Variants in CDH17 observed in about 807,000 individuals in gnomAD.
CDH17 encodes the protein cadherin 17.
Under a neutral mutation model 86.3 loss-of-function variants are expected in CDH17, and 67 were observed. The observed-to-expected ratio is 0.78, with a 90% CI of 0.64 to 0.95. The LOEUF (loss-of-function observed/expected upper bound fraction) is 0.95. Ranked by LOEUF, CDH17 falls within the 40% of genes least tolerant of loss-of-function variation. The pLI is 0.00. For missense variants in CDH17, 993 were observed against 1,017.6 expected (o/e 0.98, Z 0.33); for synonymous variants, 367 against 366.4 (o/e 1.00, Z -0.02).
At chr8:94,176,102 GTCTCAAACTCCCAGGCTGT>G (rs1813366001) in intron 5 of CDH17, among the ~76,000 whole-genome samples, 1 of 151,970 alleles carries the variant, frequency 6.6e-6, no homozygotes, top group Non-Finnish European at 1.5e-5. Flanking sequence ...GCCCAGGCTG[GTCTCAAACTCCCAGGCTGT>G]TCTCAAACTC....
chr8:94,152,200 T>C, intron 12 of CDH17, 88 bp from the exon 13 acceptor site: 2 of 1,403,708 alleles, frequency 1.4e-6, no homozygotes, highest in South Asian at 2.6e-5. Flanking sequence ...CTCTCATATA[T>C]TCGATATATA....
At chr8:94,176,899 G>A (rs957350528) in intron 4 of CDH17, among the ~76,000 whole-genome samples, 1 of 152,178 alleles carries the variant, frequency 6.6e-6, no homozygotes, top group Non-Finnish European at 1.5e-5. Context: ...GGGTGTTCTG[G>A]ACACTGAACA....
At chr8:94,169,969 G>T (rs188191947) in intron 9 of CDH17, among the ~76,000 whole-genome samples, 1 of 152,210 alleles carries the variant, frequency 6.6e-6, no homozygotes, top group Non-Finnish European at 1.5e-5. Flanking sequence ...TTATTGCAGG[G>T]TGTCTGTCTG....
chr8:94,144,224 G>A (rs1012115037), intron 15 of CDH17, among the ~76,000 whole-genome samples: 14 of 152,156 alleles, frequency 9.2e-5, no homozygotes, highest in East Asian at 1.9e-4. Context: ...TCTGTGGAGC[G>A]TCAGAACGTA....
At chr8:94,208,205 T>C (rs1563593625) in intron 1 of CDH17, among the ~76,000 whole-genome samples, 2 of 152,170 alleles carry the variant, frequency 1.3e-5, no homozygotes, top group Admixed American at 1.3e-4. Context: ...GAGAACTCAA[T>C]TTCCCCTTTA....
At chr8:94,162,538 A>G (rs1048728192) in intron 10 of CDH17, among the ~76,000 whole-genome samples, 2 of 152,226 alleles carry the variant, frequency 1.3e-5, no homozygotes, top group African/African-American at 2.4e-5. Flanking sequence ...CTGTCCTTCC[A>G]GAAAGCCTTC....
intron 10 of CDH17, among the ~76,000 whole-genome samples, chr8:94,164,099 A>G (rs1362096553): frequency 2.0e-5 from 3 of 152,202 alleles, no homozygotes; most frequent in Non-Finnish European, 4.4e-5. Flanking sequence ...TTGTAATCTG[A>G]TTCCCACTTT....
At position 94,162,153 on chromosome 8, in the gene CDH17, G is replaced by A. The variant is rs757333330; in HGVS notation, c.1292C>T (p.Thr431Ile). The change falls in exon 11 of 18, where the codon ACC (threonine) becomes ATC (isoleucine). Residue 431 changes from threonine to isoleucine, a missense_variant. Physicochemically the swap from Thr to Ile is moderately conservative, Grantham distance 89. Coordinates refer to ENST00000027335, the MANE Select transcript of CDH17 (RefSeq NM_004063.4). ...AACGTTGATTTGCACAAAACAAAGGGTCTTGAAATCTGAAAACCAAAGTCA... is the reference window on the plus strand; with the variant it reads ...AACGTTGATTTGCACAAAACAAAGGATCTTGAAATCTGAAAACCAAAGTCA... ...TIEVSDKDFK[T>I]LCFVQINVID... The A allele has an allele frequency of 6.2e-7, 1 of 1,605,302 alleles. No individual in the cohort carries two copies. Among genetic ancestry groups the A allele is most frequent in the Non-Finnish European group, 8.5e-7 (1 of 1,172,444 alleles).
chr8:94,209,683 A>T (rs1351176491), upstream of CDH17, among the ~76,000 whole-genome samples: 1 of 152,196 alleles, frequency 6.6e-6, no homozygotes, highest in Non-Finnish European at 1.5e-5. Context: ...CACAGCCAGC[A>T]TCACTCATTT....
chr8:94,210,226 T>TTAA (rs1554591888), upstream of CDH17, among the ~76,000 whole-genome samples: 1 of 53,434 alleles, frequency 1.9e-5, no homozygotes, highest in Non-Finnish European at 3.3e-5. Context: ...TTTATGCGAG[T>TTAA]AAAAAAAAAA....
intron 17 of CDH17, among the ~76,000 whole-genome samples, chr8:94,128,623 T>TCCACACTATGGAGTGTATATGTC (rs1812349684): frequency 1.3e-5 from 2 of 152,272 alleles, no homozygotes; most frequent in South Asian, 4.2e-4. Flanking sequence ...GACCTAATGT[T>TCCACACTATGGAGTGTATATGTC]CCACACTATG....
intron 2 of CDH17, among the ~76,000 whole-genome samples, chr8:94,189,538 T>A (rs1378457918): frequency 6.6e-6 from 1 of 152,242 alleles, no homozygotes; most frequent in Non-Finnish European, 1.5e-5. Flanking sequence ...ATGAGAAGAA[T>A]GTTAACATCC....
At chr8:94,135,806 C>G (rs1812512124) in intron 15 of CDH17, among the ~76,000 whole-genome samples, 1 of 152,126 alleles carries the variant, frequency 6.6e-6, no homozygotes, top group Non-Finnish European at 1.5e-5. Flanking sequence ...TGTTCCTTTC[C>G]ATGTTTAGTG....
At chr8:94,145,522 G>A (rs1158140073) in intron 15 of CDH17, among the ~76,000 whole-genome samples, 1 of 152,074 alleles carries the variant, frequency 6.6e-6, no homozygotes, top group Non-Finnish European at 1.5e-5. Flanking sequence ...TGGAGGTGGT[G>A]GAAATGTTCA....
Position 94,194,718 on chromosome 8 carries a change from C to T in CDH17, c.-20-13G>A, listed in dbSNP as rs1362998614. Reference sequence around the variant, plus strand: ...TTTATTCAAATTCCTGTGAAGGAACCAGATAAAAAAATGGTTAGTTACCAG... The same window carrying T: ...TTTATTCAAATTCCTGTGAAGGAACTAGATAAAAAAATGGTTAGTTACCAG... On this transcript the variant is annotated splice_polypyrimidine_tract_variant and intron_variant, in intron 1 of 17. Coordinates refer to ENST00000027335, the MANE Select transcript of CDH17 (RefSeq NM_004063.4). 4 of 1,474,124 alleles carry T rather than the reference C, an allele frequency of 2.7e-6. No individual in the cohort carries two copies. The highest frequency in any genetic ancestry group is 3.8e-6 in the Non-Finnish European group (4 of 1,065,374). The allele number at this position is 1,474,124 out of a possible 1,614,324, so 91.3% of individuals were successfully genotyped here.
At chr8:94,204,021 C>T (rs377678630) in intron 1 of CDH17, among the ~76,000 whole-genome samples, 1 of 152,128 alleles carries the variant, frequency 6.6e-6, no homozygotes, top group Admixed American at 6.6e-5. Context: ...GATGGGCTCA[C>T]GGGAGGCTAA....
intron 5 of CDH17, 88 bp from the exon 6 acceptor site, chr8:94,174,348 G>A: frequency 7.5e-7 from 1 of 1,332,868 alleles, no homozygotes; most frequent in Non-Finnish European, 1.0e-6. Context: ...CATCTAAAAA[G>A]TGGAGATATA....
chr8:94,215,869 T>G lies in CDH17; in HGVS notation c.-21+1329A>C, dbSNP rs546782812. ...TTTCCTTTAAGTATACGAGGTTTTT[T>G]TTTTTTTTTTAACTAATTTTACCTA... On this transcript the variant is annotated intron_variant, in intron 1 of 17. Coordinates refer to the CDH17 transcript ENST00000450165. Among the ~76,000 whole-genome samples the G allele has an allele frequency of 4.6e-5, 7 of 152,058 alleles. No individual in the cohort carries two copies. In the South Asian group the frequency reaches 1.5e-3, roughly 32 times the overall value.
At chr8:94,182,567 C>T (rs1813503612) in intron 3 of CDH17, among the ~76,000 whole-genome samples, 1 of 152,046 alleles carries the variant, frequency 6.6e-6, no homozygotes, top group African/African-American at 2.4e-5. Context: ...ATCCGTCATC[C>T]TTTCATGATA....
Sources: gnomAD v4.1 joint callset for allele counts (sites outside exome capture counted in the v4.1 genomes callset) on GRCh38, gnomAD v4.1.1 for gene constraint, MANE v1.5 for transcripts, NCBI Gene and HGNC (gene_info 2026-07-23, HGNC 2026-07-21) for gene names.